TMEM108: variants seen among roughly 807,000 people sequenced by gnomAD.
TMEM108 encodes transmembrane protein 108, also known as cancer/testis antigen 124.
A neutral mutation model predicts 35.1 loss-of-function variants in TMEM108; 12 were observed. The observed-to-expected ratio is 0.34, with a 90% CI of 0.22 to 0.55. The LOEUF is 0.55. Ranked by LOEUF, TMEM108 falls within the 20% of genes least tolerant of loss-of-function variation. The pLI is 0.89. For missense variants in TMEM108, 680 were observed against 753.3 expected, an observed-to-expected ratio of 0.90 and a Z score of 1.14; for synonymous variants, 287 against 308.6, an observed-to-expected ratio of 0.93 and a Z score of 0.73.
At chr3:133,194,419 A>G (rs1383079112) in intron 2 of TMEM108, among the ~76,000 whole-genome samples, 1 of 152,186 alleles carries the variant, frequency 6.6e-6, no homozygotes, top group East Asian at 1.9e-4. Flanking sequence ...TTCAAATTGC[A>G]TCTCTTCTGT....
chr3:133,300,975 T>TACACACACAC (rs66703555), intron 3 of TMEM108, among the ~76,000 whole-genome samples: 1 of 131,286 alleles, frequency 7.6e-6, no homozygotes, highest in African/African-American at 3.0e-5. Context: ...CAGACCCCAG[T>TACACACACAC]ACACACACAC....
intron 2 of TMEM108, among the ~76,000 whole-genome samples, chr3:133,163,945 A>C (rs994064502): frequency 6.6e-6 from 1 of 152,106 alleles, no homozygotes; most frequent in Non-Finnish European, 1.5e-5. Context: ...CTCAGTCTCA[A>C]GTTCCTGATT....
intron 2 of TMEM108, among the ~76,000 whole-genome samples, chr3:133,120,438 G>A (rs1455128285): frequency 6.6e-6 from 1 of 152,168 alleles, no homozygotes; most frequent in Non-Finnish European, 1.5e-5. Context: ...TTAAAAGTGA[G>A]ATTGATACAC....
intron 3 of TMEM108, among the ~76,000 whole-genome samples, chr3:133,233,263 C>T (rs1440041192): frequency 2.0e-5 from 3 of 152,110 alleles, no homozygotes; most frequent in Non-Finnish European, 2.9e-5. Context: ...TTGTTCAATT[C>T]CCACCTATGA....
At chr3:133,135,742 G>A (rs989094916) in intron 2 of TMEM108, among the ~76,000 whole-genome samples, 25 of 152,142 alleles carry the variant, frequency 1.6e-4, no homozygotes, top group Non-Finnish European at 4.4e-5. Flanking sequence ...AAAGACATTC[G>A]TGCGGTAAAA....
chr3:133,206,084 C>G (rs114692313), intron 2 of TMEM108, among the ~76,000 whole-genome samples: 303 of 152,296 alleles, frequency 2.0e-3, no homozygotes, highest in African/African-American at 6.9e-3. Flanking sequence ...GCTGCCTGAT[C>G]AATTCAGCTA....
At chr3:133,038,618 C>T (rs1050731485) in intron 1 of TMEM108, among the ~76,000 whole-genome samples, 183 bp downstream of exon 1, 1 of 152,166 alleles carries the variant, frequency 6.6e-6, no homozygotes, top group Non-Finnish European at 1.5e-5. Flanking sequence ...GGCACCTTCC[C>T]ATCCTCCCCA....
At chr3:133,257,382 C>T (rs764862508) in intron 3 of TMEM108, among the ~76,000 whole-genome samples, 1 of 152,146 alleles carries the variant, frequency 6.6e-6, no homozygotes, top group Non-Finnish European at 1.5e-5. Flanking sequence ...AAGTTTATTG[C>T]CAGTCTCTGA....
At chr3:133,088,933 C>T (rs1250568588) in intron 2 of TMEM108, among the ~76,000 whole-genome samples, 3 of 152,168 alleles carry the variant, frequency 2.0e-5, no homozygotes, top group Non-Finnish European at 4.4e-5. Flanking sequence ...TTAATTGGCT[C>T]ACAGTTCTGC....
intron 4 of TMEM108, among the ~76,000 whole-genome samples, chr3:133,382,234 A>C (rs1401724077): frequency 1.3e-5 from 2 of 152,094 alleles, no homozygotes; most frequent in Non-Finnish European, 2.9e-5. Context: ...TGGACAGCCC[A>C]TTCTCCTCTG....
At chr3:133,162,637 T>C (rs932511877) in intron 2 of TMEM108, among the ~76,000 whole-genome samples, 37 of 152,342 alleles carry the variant, frequency 2.4e-4, no homozygotes, top group Admixed American at 4.6e-4. Flanking sequence ...GATTACAGGA[T>C]GTGGTCTTGG....
intron 2 of TMEM108, among the ~76,000 whole-genome samples, chr3:133,225,681 T>A (rs2107860281): frequency 1.3e-5 from 1 of 76,580 alleles, no homozygotes; most frequent in African/African-American, 5.9e-5. Context: ...TTAAAGTCAA[T>A]TTTGGAGGGG....
chr3:133,389,503 G>A (rs2073200962), intron 4 of TMEM108: 1 of 547,334 alleles, frequency 1.8e-6, no homozygotes, highest in Non-Finnish European at 2.3e-6. Flanking sequence ...AACCAACATG[G>A]CAAAACCCTG....
At chr3:133,294,812 G>A (rs180948138) in intron 3 of TMEM108, among the ~76,000 whole-genome samples, 4 of 152,274 alleles carry the variant, frequency 2.6e-5, no homozygotes, top group Admixed American at 2.6e-4. Context: ...AGATTTATGA[G>A]ATTTAAAGCA....
At chr3:133,155,434 CA>C (rs1944866739) in intron 2 of TMEM108, among the ~76,000 whole-genome samples, 1 of 152,030 alleles carries the variant, frequency 6.6e-6, no homozygotes, top group South Asian at 2.1e-4. Flanking sequence ...GAGGAATTAC[CA>C]CATCCACAGT....
chr3:133,282,385 A>T (rs1946927298), intron 3 of TMEM108, among the ~76,000 whole-genome samples: 1 of 152,248 alleles, frequency 6.6e-6, no homozygotes, highest in Non-Finnish European at 1.5e-5. Flanking sequence ...ATTTAAAGCT[A>T]CATGGAGCTC....
At chr3:133,111,257 A>G (rs753593926) in intron 2 of TMEM108, among the ~76,000 whole-genome samples, 1 of 152,112 alleles carries the variant, frequency 6.6e-6, no homozygotes. Flanking sequence ...GAGGATTCTC[A>G]TTTTTATCTA....
intron 3 of TMEM108, among the ~76,000 whole-genome samples, chr3:133,243,007 G>C (rs951387554): frequency 6.6e-6 from 1 of 152,186 alleles, no homozygotes; most frequent in Non-Finnish European, 1.5e-5. Context: ...GAGAAACAAG[G>C]GTCCAAGAAT....
chr3:133,044,047 A>T (rs1943306462), intron 1 of TMEM108, among the ~76,000 whole-genome samples: 1 of 152,150 alleles, frequency 6.6e-6, no homozygotes, highest in East Asian at 1.9e-4. Context: ...TGCCATGGTG[A>T]CCCATGTTGG....
Sources: allele counts gnomAD v4.1 joint callset (sites outside exome capture counted in the v4.1 genomes callset), GRCh38; gene constraint gnomAD v4.1.1; transcripts MANE v1.5; gene names NCBI Gene and HGNC (gene_info 2026-07-23, HGNC 2026-07-21).